Variants in GRM8 observed in about 807,000 individuals in gnomAD.
GRM8 encodes the protein metabotropic glutamate receptor 8.
In GRM8, 47 loss-of-function variants were observed where a neutral mutation model predicts 87.2. That is an observed-to-expected ratio of 0.54 (90% CI 0.43 to 0.69). The LOEUF (loss-of-function observed/expected upper bound fraction) is 0.69. Among genes scored for constraint, GRM8 ranks in the 30% least tolerant of loss-of-function variants. The pLI is 0.00. For missense variants in GRM8, 1,019 were observed against 1,139.2 expected (o/e 0.89, Z 1.52); for synonymous variants, 396 against 404.5 (o/e 0.98, Z 0.25).
chr7:127,088,127 C>T (rs1823696249), intron 3 of GRM8, among the ~76,000 whole-genome samples: 2 of 152,176 alleles, frequency 1.3e-5, no homozygotes, highest in Non-Finnish European at 2.9e-5. Context: ...CCTCTGATTG[C>T]CATCCAATTA....
intron 3 of GRM8, among the ~76,000 whole-genome samples, chr7:127,072,964 G>A (rs1264362944): frequency 7.0e-6 from 1 of 143,544 alleles, no homozygotes; most frequent in Non-Finnish European, 1.6e-5. Context: ...TTCAAAAAAG[G>A]CCATCCTCGC....
At chr7:126,842,166 A>G (rs2130600186) in intron 6 of GRM8, among the ~76,000 whole-genome samples, 1 of 152,348 alleles carries the variant, frequency 6.6e-6, no homozygotes, top group Middle Eastern at 3.4e-3. Context: ...TAAAGAGAAC[A>G]AAGGTCAAAT....
chr7:126,641,821 TC>T (rs1802419599), intron 7 of GRM8, among the ~76,000 whole-genome samples: 1 of 152,200 alleles, frequency 6.6e-6, no homozygotes, highest in South Asian at 2.1e-4. Context: ...GTAGACAACA[TC>T]AGCTGAGGCA....
chr7:126,761,751 G>T (rs1007334775), intron 7 of GRM8, among the ~76,000 whole-genome samples: 2 of 152,076 alleles, frequency 1.3e-5, no homozygotes, highest in African/African-American at 4.8e-5. Context: ...TTCCACAGTG[G>T]ATGCTCAACT....
At chr7:126,979,755 C>T (rs968950312) in intron 3 of GRM8, among the ~76,000 whole-genome samples, 20 of 152,336 alleles carry the variant, frequency 1.3e-4, no homozygotes, top group Non-Finnish European at 2.5e-4. Flanking sequence ...CTCACATAAG[C>T]TTGGCAGACA....
At chr7:126,643,317 A>AAAAAT (rs1802659795) in intron 7 of GRM8, among the ~76,000 whole-genome samples, 1 of 20,796 alleles carries the variant, frequency 4.8e-5, no homozygotes, top group African/African-American at 2.8e-4. Flanking sequence ...AAAAAAAAAA[A>AAAAAT]AAATATATAT....
rs539661249 is a variant in GRM8, at chr7:127,020,082, A to G, written c.727+86414T>C. On this transcript the variant is annotated intron_variant, in intron 3 of 10. Transcript: ENST00000339582. ...TGAGTTTCTACTTAAATTCTGAGGCAAAGATTATAAATACACAGAAGCCCA... is the reference window on the plus strand; with the variant it reads ...TGAGTTTCTACTTAAATTCTGAGGCGAAGATTATAAATACACAGAAGCCCA... Among the ~76,000 whole-genome samples the G allele has an allele frequency of 3.9e-5, 6 of 152,268 alleles. No homozygotes were observed. The South Asian group carries it at 1.2e-3, about 32-fold the overall frequency.
chr7:126,867,645 G>T (rs1798716997), intron 6 of GRM8, among the ~76,000 whole-genome samples: 1 of 152,128 alleles, frequency 6.6e-6, no homozygotes, highest in Non-Finnish European at 1.5e-5. Flanking sequence ...AAAACGGTCA[G>T]TTGGAACAAA....
chr7:126,687,534 T>C (rs973756005), intron 7 of GRM8, among the ~76,000 whole-genome samples: 1 of 152,020 alleles, frequency 6.6e-6, no homozygotes, highest in Non-Finnish European at 1.5e-5. Flanking sequence ...TTAGCTATTA[T>C]GCACATTACT....
chr7:126,558,643 T>C (rs1793391044), intron 8 of GRM8, among the ~76,000 whole-genome samples: 1 of 152,240 alleles, frequency 6.6e-6, no homozygotes, highest in Non-Finnish European at 1.5e-5. Flanking sequence ...AGATAGTTTT[T>C]ATACTGCATT....
intron 2 of GRM8, among the ~76,000 whole-genome samples, chr7:127,210,895 A>T (rs1563580899): frequency 6.6e-6 from 1 of 152,262 alleles, no homozygotes; most frequent in Non-Finnish European, 1.5e-5. Flanking sequence ...GTACCAAGTT[A>T]CTATAGGTAC....
chr7:126,701,526 GT>G (rs1404103694), intron 7 of GRM8, among the ~76,000 whole-genome samples: 2 of 152,076 alleles, frequency 1.3e-5, no homozygotes, highest in Non-Finnish European at 2.9e-5. Flanking sequence ...CAAGAGAGAT[GT>G]TTTTAAAAAT....
At chr7:127,110,128 T>C (rs1354367349) in intron 2 of GRM8, among the ~76,000 whole-genome samples, 2 of 152,210 alleles carry the variant, frequency 1.3e-5, no homozygotes, top group African/African-American at 2.4e-5. Flanking sequence ...CTCTGTACCA[T>C]TGCCCCTGTA....
At chr7:126,828,999 T>G (rs1486300438) in intron 6 of GRM8, among the ~76,000 whole-genome samples, 1 of 152,198 alleles carries the variant, frequency 6.6e-6, no homozygotes, top group South Asian at 2.1e-4. Flanking sequence ...AGTTTCCATG[T>G]AGTTGAGAGG....
At chr7:127,232,181 CTTTG>C (rs1797723861) in intron 2 of GRM8, among the ~76,000 whole-genome samples, 1 of 103,416 alleles carries the variant, frequency 9.7e-6, no homozygotes, top group Non-Finnish European at 2.0e-5. Flanking sequence ...TCTGTTTCTT[CTTTG>C]TGTGTGTGTG....
intron 3 of GRM8, among the ~76,000 whole-genome samples, chr7:126,936,607 A>G (rs1006316193): frequency 6.6e-6 from 1 of 152,186 alleles, no homozygotes; most frequent in African/African-American, 2.4e-5. Flanking sequence ...ATAAGGTATA[A>G]CTAGGAAGGA....
intron 7 of GRM8, among the ~76,000 whole-genome samples, chr7:126,708,464 T>G (rs184945733): frequency 1.3e-5 from 2 of 151,940 alleles, no homozygotes; most frequent in African/African-American, 2.4e-5. Flanking sequence ...AGTGAAGATA[T>G]GGAATCAGCC....
intron 3 of GRM8, among the ~76,000 whole-genome samples, chr7:126,974,959 A>C (rs1317898849): frequency 6.7e-6 from 1 of 150,344 alleles, no homozygotes; most frequent in Non-Finnish European, 1.5e-5. Context: ...AAAAAAAAAA[A>C]AAAAAAAAAC....
At chr7:126,896,053 T>A (rs370038350) in intron 6 of GRM8, among the ~76,000 whole-genome samples, 1 of 150,214 alleles carries the variant, frequency 6.7e-6, no homozygotes, top group African/African-American at 2.5e-5. Flanking sequence ...GAAACCAGGA[T>A]CCTGGCTGCA....
Sources: allele counts gnomAD v4.1 joint callset (sites outside exome capture counted in the v4.1 genomes callset), GRCh38; gene constraint gnomAD v4.1.1; transcripts MANE v1.5; gene names NCBI Gene and HGNC (gene_info 2026-07-23, HGNC 2026-07-21).